DNAAF4: variants seen among roughly 807,000 people sequenced by gnomAD.
The protein encoded by DNAAF4 is dynein axonemal assembly factor 4, also known as dynein assembly factor 4, axonemal.
DNAAF4 carries 43 observed loss-of-function variants against 51.8 expected under a neutral mutation model. The observed-to-expected ratio is 0.83, with a 90% CI of 0.65 to 1.07. The LOEUF (loss-of-function observed/expected upper bound fraction) is 1.07. DNAAF4 is among the 50% of genes least tolerant of loss of function. The pLI, the probability that DNAAF4 is intolerant of heterozygous loss-of-function variation, is 0.00. For synonymous variants in DNAAF4, 194 were observed against 165.6 expected (o/e 1.17, Z -1.32); for missense variants, 581 against 493.0 (o/e 1.18, Z -1.69).
At chr15:55,496,520 A>C (rs1028293548) in intron 3 of DNAAF4, among the ~76,000 whole-genome samples, 1 of 152,330 alleles carries the variant, frequency 6.6e-6, no homozygotes, top group African/African-American at 2.4e-5. Flanking sequence ...CTGTAAAAAA[A>C]GGGTAATAAT....
chr15:55,479,793 A>G (rs957226906), intron 4 of DNAAF4, among the ~76,000 whole-genome samples: 1 of 151,994 alleles, frequency 6.6e-6, no homozygotes, highest in Non-Finnish European at 1.5e-5. Flanking sequence ...ATAAGGACTG[A>G]GATACGCCCT....
At chr15:55,426,098 A>T (rs528018816), downstream of DNAAF4, among the ~76,000 whole-genome samples, 1 of 141,980 alleles carries the variant, frequency 7.0e-6, no homozygotes, top group African/African-American at 3.2e-5. Context: ...GGTAGATGAA[A>T]TCAATAGGAA....
In DNAAF4 at chr15:55,454,252, G is replaced by C. The variant is rs1160929156; in HGVS notation, c.638-3885C>G. On this transcript the variant is annotated intron_variant, in intron 5 of 9. Transcript: ENST00000321149. Reference sequence around the variant, plus strand: ...GGAGGTGGAGGTTGCAGTGAGCTGAGATCGTGCCACTGCACTCCAGCATGG... The same window carrying C: ...GGAGGTGGAGGTTGCAGTGAGCTGACATCGTGCCACTGCACTCCAGCATGG... 2.0e-5 allele frequency among the ~76,000 whole-genome samples: 3 copies of C among 151,774 alleles called. No individual in the cohort carries two copies. In the South Asian group the frequency reaches 6.3e-4, roughly 32 times the overall value.
intron 4 of DNAAF4, among the ~76,000 whole-genome samples, chr15:55,470,290 G>A (rs2058235207): frequency 6.6e-6 from 1 of 152,070 alleles, no homozygotes; most frequent in South Asian, 2.1e-4. Context: ...GACCTCAGGT[G>A]ATCCACCCGC....
At chr15:55,491,492 G>A (rs1045280132) in intron 3 of DNAAF4, among the ~76,000 whole-genome samples, 4 of 150,234 alleles carry the variant, frequency 2.7e-5, no homozygotes, top group Admixed American at 2.0e-4. Flanking sequence ...AAGAAGAAGG[G>A]ATGGGGGAGG....
chr15:55,422,200 G>A (rs1445392550), intron 7 of DNAAF4, among the ~76,000 whole-genome samples: 2 of 152,102 alleles, frequency 1.3e-5, no homozygotes, highest in Admixed American at 6.6e-5. Flanking sequence ...ATAGAGTTAG[G>A]AGGAAAGTGA....
At chr15:55,473,406 A>C (rs887159588) in intron 4 of DNAAF4, among the ~76,000 whole-genome samples, 1 of 149,196 alleles carries the variant, frequency 6.7e-6, no homozygotes, top group East Asian at 1.9e-4. Flanking sequence ...CTAGAAAAAT[A>C]TTAAAATTAT....
chr15:55,479,534 A>G (rs1176862667), intron 4 of DNAAF4, among the ~76,000 whole-genome samples: 1 of 152,068 alleles, frequency 6.6e-6, no homozygotes, highest in East Asian at 1.9e-4. Flanking sequence ...GAACGGAATA[A>G]TAGCAATTTT....
rs769744140 is a variant in DNAAF4 at position 55,491,106 on chromosome 15, G to C, written c.405+17C>G. 1 of 1,613,822 alleles carries C rather than the reference G, an allele frequency of 6.2e-7. No homozygotes were observed. The highest frequency in any genetic ancestry group is 8.5e-7 in the Non-Finnish European group (1 of 1,179,944). ...TATTATCTCTTTAGAGGACTTGCCTGTCATTCTGCAACTTACCTTCATCAT... is the reference window on the plus strand; with the variant it reads ...TATTATCTCTTTAGAGGACTTGCCTCTCATTCTGCAACTTACCTTCATCAT... On this transcript the variant is annotated intron_variant, in intron 4 of 9. Coordinates refer to ENST00000321149, the MANE Select transcript of DNAAF4 (RefSeq NM_130810.4).
At chr15:55,424,348 C>T (rs1377335796) in intron 7 of DNAAF4, among the ~76,000 whole-genome samples, 2 of 152,172 alleles carry the variant, frequency 1.3e-5, no homozygotes, top group African/African-American at 4.8e-5. Flanking sequence ...GAACCATGAA[C>T]CAAATAAATC....
chr15:55,492,914 A>C (rs1173538235), intron 3 of DNAAF4, among the ~76,000 whole-genome samples: 1 of 152,226 alleles, frequency 6.6e-6, no homozygotes, highest in Non-Finnish European at 1.5e-5. Flanking sequence ...GTAATTTCAA[A>C]GTAGAGTATA....
intron 7 of DNAAF4, among the ~76,000 whole-genome samples, chr15:55,435,769 T>C (rs1478192033): frequency 6.6e-6 from 1 of 152,202 alleles, no homozygotes; most frequent in African/African-American, 2.4e-5. Flanking sequence ...TTCTTCAAAA[T>C]GCAAAGTCTT....
At chr15:55,498,982 G>A (rs1330727351) in intron 1 of DNAAF4, among the ~76,000 whole-genome samples, 1 of 151,896 alleles carries the variant, frequency 6.6e-6, no homozygotes, top group Non-Finnish European at 1.5e-5. Flanking sequence ...ATGCGATAAT[G>A]CTAAGGAGGG....
chr15:55,491,070 A>C, intron 4 of DNAAF4, 53 bp downstream of exon 4: 1 of 1,601,686 alleles, frequency 6.2e-7, no homozygotes, highest in Middle Eastern at 1.7e-4. Flanking sequence ...CACTATCCTC[A>C]CATAGTCTAC....
At chr15:55,431,113 C>G (rs1566998626) in intron 9 of DNAAF4, among the ~76,000 whole-genome samples, 1 of 151,952 alleles carries the variant, frequency 6.6e-6, no homozygotes, top group Non-Finnish European at 1.5e-5. Context: ...TGGGGTTTCA[C>G]CGTGTTAGCC....
chr15:55,426,578 T>G (rs149886280), downstream of DNAAF4, among the ~76,000 whole-genome samples: 2 of 152,122 alleles, frequency 1.3e-5, no homozygotes, highest in East Asian at 3.9e-4. Context: ...TACAGGTGCT[T>G]GCCACCATGT....
chr15:55,462,269 T>A (rs1020227007), intron 5 of DNAAF4, among the ~76,000 whole-genome samples: 1 of 151,718 alleles, frequency 6.6e-6, no homozygotes, highest in Non-Finnish European at 1.5e-5. Context: ...TCTCGGCTCA[T>A]TGCAACCTCC....
intron 1 of DNAAF4, among the ~76,000 whole-genome samples, chr15:55,503,007 A>G (rs1485441866): frequency 2.0e-5 from 3 of 152,200 alleles, no homozygotes; most frequent in Non-Finnish European, 4.4e-5. Context: ...GAAAAGATCA[A>G]CAAAATTGAT....
intron 4 of DNAAF4, among the ~76,000 whole-genome samples, chr15:55,476,358 C>T (rs2058334807): frequency 6.6e-6 from 1 of 151,938 alleles, no homozygotes; most frequent in Non-Finnish European, 1.5e-5. Context: ...GAGGCTGGGG[C>T]AGGAAGACTG....
Sources: allele counts gnomAD v4.1 joint callset (sites outside exome capture counted in the v4.1 genomes callset), GRCh38; gene constraint gnomAD v4.1.1; transcripts MANE v1.5; gene names NCBI Gene and HGNC (gene_info 2026-07-23, HGNC 2026-07-21).